Variants in TRIM71 observed in about 807,000 individuals in gnomAD.
The protein encoded by TRIM71 is E3 ubiquitin-protein ligase TRIM71.
TRIM71 carries 9 observed loss-of-function variants against 61.2 expected under a neutral mutation model. The observed-to-expected ratio is 0.15, with a 90% CI of 0.09 to 0.26. The LOEUF (loss-of-function observed/expected upper bound fraction) is 0.26. TRIM71 is among the 10% of genes least tolerant of loss of function. The pLI is 1.00. For synonymous variants in TRIM71, 645 were observed against 553.2 expected, an observed-to-expected ratio of 1.17 and a Z score of -2.33; for missense variants, 998 against 1,238.7, an observed-to-expected ratio of 0.81 and a Z score of 2.92.
rs1285216184 is a variant in TRIM71 at position 32,896,879 on chromosome 3, T to C, written c.*5068T>C. 1 of 152,272 alleles carries C rather than the reference T, an allele frequency of 6.6e-6. No individual in the cohort carries two copies. Among genetic ancestry groups the C allele is most frequent in the Non-Finnish European group, 1.5e-5 (1 of 68,046 alleles). 9.4% of individuals were successfully genotyped at this position (152,272 alleles called of 1,614,324 possible). ...CTTTAAATAACCAGCTCTGTAACTC[T>C]GTAAGTTCTTTGTGTTTCTAGCAGT... is the stretch of plus-strand genomic sequence containing the variant. On this transcript the variant is annotated 3_prime_UTR_variant, in exon 4 of 4. Coordinates refer to ENST00000383763, the MANE Select transcript of TRIM71 (RefSeq NM_001039111.3).
intron 2 of TRIM71, among the ~76,000 whole-genome samples, chr3:32,878,314 A>G (rs563722432): frequency 1.3e-5 from 2 of 152,338 alleles, no homozygotes; most frequent in East Asian, 3.9e-4. Flanking sequence ...TGGGTTTAAA[A>G]TATTCCGCAA....
At chr3:32,877,500 T>C (rs1394086090) in intron 2 of TRIM71, among the ~76,000 whole-genome samples, 1 of 151,916 alleles carries the variant, frequency 6.6e-6, no homozygotes. Context: ...GGACTACAGG[T>C]ATGCTCCACC....
intron 1 of TRIM71, among the ~76,000 whole-genome samples, chr3:32,835,562 A>G (rs1271604409): frequency 1.3e-5 from 2 of 152,226 alleles, no homozygotes; most frequent in Non-Finnish European, 1.5e-5. Context: ...TTTTGTTTAG[A>G]ATTCACAACA....
intron 1 of TRIM71, among the ~76,000 whole-genome samples, chr3:32,824,629 T>C (rs1696180481): frequency 6.6e-6 from 1 of 151,670 alleles, no homozygotes; most frequent in South Asian, 2.1e-4. Flanking sequence ...GACTACAGGC[T>C]CTAGCCATCA....
chr3:32,859,042 T>G (rs117441001), intron 1 of TRIM71, among the ~76,000 whole-genome samples: 2,575 of 151,948 alleles, frequency 0.017, 64 homozygotes, highest in East Asian at 0.12. Flanking sequence ...AAGTGTGGGG[T>G]TTCTCCTGGC....
chr3:32,865,574 C>G (rs925945242), intron 1 of TRIM71, among the ~76,000 whole-genome samples: 3 of 152,108 alleles, frequency 2.0e-5, no homozygotes, highest in Non-Finnish European at 4.4e-5. Context: ...GGGTTTTCAT[C>G]TTCCTTAAGA....
chr3:32,833,106 T>TG (rs1317982005), intron 1 of TRIM71, among the ~76,000 whole-genome samples: 1 of 133,556 alleles, frequency 7.5e-6, no homozygotes, highest in Non-Finnish European at 1.5e-5. Flanking sequence ...ACCCGGGAGG[T>TG]GGAGGTTGCA....
intron 1 of TRIM71, among the ~76,000 whole-genome samples, chr3:32,838,678 C>T (rs1229014793): frequency 1.3e-5 from 2 of 152,158 alleles, no homozygotes; most frequent in Non-Finnish European, 2.9e-5. Flanking sequence ...CTTGTAGAGG[C>T]TAGTGAACAC....
intron 1 of TRIM71, among the ~76,000 whole-genome samples, chr3:32,841,590 C>CCT (rs1696406300): frequency 1.3e-5 from 2 of 152,102 alleles, no homozygotes; most frequent in African/African-American, 2.4e-5. Flanking sequence ...TGCACTCCAG[C>CCT]GTGGGCCACG....
At chr3:32,826,910 C>G (rs1696209533) in intron 1 of TRIM71, among the ~76,000 whole-genome samples, 1 of 151,842 alleles carries the variant, frequency 6.6e-6, no homozygotes, top group Non-Finnish European at 1.5e-5. Context: ...CTACAGGTGC[C>G]TGCCACCATG....
chr3:32,818,413 G>C lies in TRIM71; in HGVS notation c.333G>C (p.Ser111=). Residue 111 remains serine (S), a synonymous_variant, in exon 1 of 4, where the codon TCG becomes TCC. Transcript: ENST00000383763. The part of the protein sequence containing the change: ...AEAAGMDALP[S]SAFLLSNLLD... ...CGGCGGGTATGGACGCGCTGCCTTC[G>C]TCCGCCTTCCTGCTTAGCAACCTGC... 3.4e-6 allele frequency: 5 copies of C among 1,477,558 alleles called. No individual in the cohort carries two copies. Among genetic ancestry groups the C allele is most frequent in the Non-Finnish European group, 4.5e-6 (5 of 1,118,686 alleles). The allele number at this position is 1,477,558 out of a possible 1,614,324, so 91.5% of individuals were successfully genotyped here. A position where few individuals can be genotyped will look rare whatever the true frequency, so the allele number is the denominator to read the frequency against.
At chr3:32,833,006 C>G (rs1696290645) in intron 1 of TRIM71, among the ~76,000 whole-genome samples, 1 of 151,714 alleles carries the variant, frequency 6.6e-6, no homozygotes, top group African/African-American at 2.4e-5. Context: ...GAAACCCCGT[C>G]TCTACTAAAA....
In TRIM71 at chr3:32,874,051, G is replaced by A. The variant is rs1696826231; in HGVS notation, c.1020+66G>A. 5.3e-6 allele frequency: 8 copies of A among 1,505,586 alleles called. No individual in the cohort carries two copies. In the East Asian group the frequency reaches 1.8e-4, roughly 34 times the overall value. 93.3% of individuals were successfully genotyped at this position (1,505,586 alleles called of 1,614,324 possible). ...AGCCCCCCTTTCTGTCGGGTGGCAT[G>A]GACAGACAATTGGGCAGATTCCAGT... On this transcript the variant is annotated intron_variant, in intron 2 of 3. Coordinates refer to ENST00000383763, the MANE Select transcript of TRIM71 (RefSeq NM_001039111.3).
intron 1 of TRIM71, 24 bp from the exon 2 acceptor site, chr3:32,873,794 G>T: frequency 6.6e-7 from 1 of 1,522,720 alleles, no homozygotes; most frequent in Non-Finnish European, 8.9e-7. Context: ...CTCCATTTAT[G>T]CCTGTACCCT....
Position 32,886,310 on chromosome 3 carries a change from T to C in TRIM71, c.1155+242T>C, listed in dbSNP as rs113665626. ...CGTGGGTAACCAAGACTGGAAGCGGTCTCCAGTTTTATATTGCATTCACTC... is the reference window on the plus strand; with the variant it reads ...CGTGGGTAACCAAGACTGGAAGCGGCCTCCAGTTTTATATTGCATTCACTC... On this transcript the variant is annotated intron_variant, in intron 3 of 3. Coordinates refer to ENST00000383763, the MANE Select transcript of TRIM71 (RefSeq NM_001039111.3). Among the ~76,000 whole-genome samples the C allele has an allele frequency of 3.3e-3, 496 of 152,306 alleles. 5 individuals are homozygous for C. The highest frequency in any genetic ancestry group is 0.012 in the African/African-American group (482 of 41,568).
chr3:32,881,461 G>A (rs1004799676), intron 2 of TRIM71, among the ~76,000 whole-genome samples: 4 of 152,130 alleles, frequency 2.6e-5, no homozygotes, highest in Non-Finnish European at 5.9e-5. Context: ...TGGCATCACT[G>A]ATCGATATCT....
intron 1 of TRIM71, among the ~76,000 whole-genome samples, chr3:32,852,157 T>TGG (rs879629935): frequency 6.6e-6 from 1 of 152,076 alleles, no homozygotes; most frequent in Non-Finnish European, 1.5e-5. Context: ...ACAGATTCCC[T>TGG]GGGGGGTAGC....
intron 2 of TRIM71, among the ~76,000 whole-genome samples, chr3:32,884,053 C>T (rs1268172249): frequency 6.6e-6 from 1 of 152,184 alleles, no homozygotes; most frequent in Non-Finnish European, 1.5e-5. Context: ...CACACAGGAT[C>T]CTCTTAGGCA....
At chr3:32,886,657 C>G (rs1696964954) in intron 3 of TRIM71, among the ~76,000 whole-genome samples, 1 of 152,174 alleles carries the variant, frequency 6.6e-6, no homozygotes, top group Non-Finnish European at 1.5e-5. Context: ...ATGAAAGGGC[C>G]AGTACTCCAT....
Sources: gnomAD v4.1 joint callset for allele counts (sites outside exome capture counted in the v4.1 genomes callset) on GRCh38, gnomAD v4.1.1 for gene constraint, MANE v1.5 for transcripts, NCBI Gene and HGNC (gene_info 2026-07-23, HGNC 2026-07-21) for gene names.